Variants in ZNF804B observed in about 807,000 individuals in gnomAD.
ZNF804B encodes zinc finger protein 804B, also known as zinc finger 804B.
In ZNF804B, 80 loss-of-function variants were observed where a neutral mutation model predicts 101.4. The observed-to-expected ratio is 0.79, with a 90% CI of 0.66 to 0.95. ZNF804B has a LOEUF of 0.95. Ranked by LOEUF, ZNF804B falls within the 40% of genes least tolerant of loss-of-function variation. The pLI, the probability that ZNF804B is intolerant of heterozygous loss-of-function variation, is 0.00. For missense variants in ZNF804B, 1,673 were observed against 1,561.9 expected (o/e 1.07, Z -1.20); for synonymous variants, 622 against 558.8 (o/e 1.11, Z -1.59).
intron 1 of ZNF804B, among the ~76,000 whole-genome samples, chr7:89,167,494 G>T (rs900066358): frequency 7.3e-6 from 1 of 136,740 alleles, no homozygotes; most frequent in South Asian, 2.4e-4. Flanking sequence ...GTGAACTCTC[G>T]CAGTTCAAAC....
At chr7:88,863,876 C>T (rs1420020737) in intron 1 of ZNF804B, among the ~76,000 whole-genome samples, 9 of 152,158 alleles carry the variant, frequency 5.9e-5, no homozygotes, top group Admixed American at 2.6e-4. Flanking sequence ...TAAAATTGGC[C>T]GTCACGTGCC....
At chr7:88,993,315 G>A (rs1261177871) in intron 1 of ZNF804B, among the ~76,000 whole-genome samples, 1 of 151,990 alleles carries the variant, frequency 6.6e-6, no homozygotes, top group Non-Finnish European at 1.5e-5. Context: ...GAATGTTGAA[G>A]TCTAGAAAAT....
rs116693149 is a variant in ZNF804B at position 89,024,986 on chromosome 7, T to C, written c.109-193169T>C. The stretch of plus-strand genomic sequence containing the variant: ...TTGAGCGACTAATTACACCCATACC[T>C]ATAGATGCAGCCGTACAACCCACAT... On this transcript the variant is annotated intron_variant, in intron 1 of 3. Transcript: ENST00000333190. 7.8e-3 allele frequency among the ~76,000 whole-genome samples: 1,187 copies of C among 152,152 alleles called. 20 individuals carry two copies. The highest frequency in any genetic ancestry group is 0.027 in the African/African-American group (1,127 of 41,516).
chr7:89,096,468 C>T (rs931661344), intron 1 of ZNF804B, among the ~76,000 whole-genome samples: 2 of 152,088 alleles, frequency 1.3e-5, no homozygotes, highest in African/African-American at 2.4e-5. Flanking sequence ...CTTTGCTGGC[C>T]TTGCTTAGAG....
intron 1 of ZNF804B, among the ~76,000 whole-genome samples, chr7:89,157,578 A>C (rs1437303929): frequency 6.6e-6 from 1 of 152,176 alleles, no homozygotes; most frequent in African/African-American, 2.4e-5. Flanking sequence ...AAAGGGATTC[A>C]TTAAACACAG....
At chr7:89,182,427 A>C (rs1788311578) in intron 1 of ZNF804B, among the ~76,000 whole-genome samples, 1 of 152,182 alleles carries the variant, frequency 6.6e-6, no homozygotes, top group Non-Finnish European at 1.5e-5. Flanking sequence ...AGTTGTAGCT[A>C]CTGTCCTTGA....
At chr7:89,285,210 C>T (rs935701985) in intron 2 of ZNF804B, among the ~76,000 whole-genome samples, 14 of 151,420 alleles carry the variant, frequency 9.2e-5, no homozygotes, top group African/African-American at 3.4e-4. Context: ...CAGAGCAAGA[C>T]CCTGTCACAA....
intron 1 of ZNF804B, among the ~76,000 whole-genome samples, chr7:89,093,019 A>G (rs529026936): frequency 3.3e-5 from 5 of 152,334 alleles, no homozygotes; most frequent in African/African-American, 9.6e-5. Context: ...AAATCTGTAT[A>G]TATGTAACCA....
intron 2 of ZNF804B, among the ~76,000 whole-genome samples, chr7:89,256,728 C>T (rs1327198916): frequency 6.6e-6 from 1 of 152,124 alleles, no homozygotes; most frequent in African/African-American, 2.4e-5. Flanking sequence ...AACAACACAT[C>T]TAGGCTTGCT....
rs56693128 is a variant in ZNF804B at position 89,103,048 on chromosome 7, G to GTTTTTTTTTTTTT, written c.109-115084_109-115072dup. On this transcript the variant is annotated intron_variant, in intron 1 of 3. Transcript: ENST00000333190. Reference sequence around the variant, plus strand: ...TTCTATTCCATTGACCTATGTGTCTGTTTTTTTTTTTTTTTTTTTTTTTTT... The same window carrying GTTTTTTTTTTTTT: ...TTCTATTCCATTGACCTATGTGTCTGTTTTTTTTTTTTTTTTTTTTTTTTTTTTTTTTTTTTTT... Among the ~76,000 whole-genome samples, 11 of 33,750 alleles carry GTTTTTTTTTTTTT rather than the reference G, an allele frequency of 3.3e-4. 4 individuals carry two copies. The highest frequency in any genetic ancestry group is 1.1e-3 in the African/African-American group (10 of 9,376). The allele number at this position is 33,750 out of a possible 152,430, so 22.1% of individuals were successfully genotyped here.
chr7:89,137,660 TAA>T (rs1218010066), intron 1 of ZNF804B, among the ~76,000 whole-genome samples: 1 of 152,094 alleles, frequency 6.6e-6, no homozygotes, highest in Admixed American at 6.6e-5. Context: ...TAACAGAGCA[TAA>T]AAGTTTGGAA....
chr7:89,066,951 G>GTA (rs1035606133), intron 1 of ZNF804B, among the ~76,000 whole-genome samples: 18 of 151,414 alleles, frequency 1.2e-4, no homozygotes, highest in East Asian at 9.7e-4. Context: ...ATATATATAA[G>GTA]TATATATATA....
chr7:89,197,692 T>C (rs1788576508), intron 1 of ZNF804B, among the ~76,000 whole-genome samples: 1 of 151,934 alleles, frequency 6.6e-6, no homozygotes, highest in Admixed American at 6.6e-5. Context: ...TTAGAATTTA[T>C]ATTTTTCTCT....
chr7:88,922,905 T>C (rs1413476795), intron 1 of ZNF804B, among the ~76,000 whole-genome samples: 2 of 152,036 alleles, frequency 1.3e-5, no homozygotes, highest in East Asian at 3.8e-4. Context: ...ATCTCTAAAA[T>C]TGGAAAAATA....
intron 2 of ZNF804B, among the ~76,000 whole-genome samples, chr7:89,314,646 G>T (rs1790693737): frequency 6.6e-6 from 1 of 152,136 alleles, no homozygotes; most frequent in African/African-American, 2.4e-5. Context: ...ATTCCACAAG[G>T]TAGACACTGA....
intron 1 of ZNF804B, among the ~76,000 whole-genome samples, chr7:88,883,209 T>C (rs915543486): frequency 6.6e-6 from 1 of 152,220 alleles, no homozygotes; most frequent in South Asian, 2.1e-4. Flanking sequence ...AAAATGATTA[T>C]TTACAGCCTC....
chr7:89,093,271 T>C (rs1027349613), intron 1 of ZNF804B, among the ~76,000 whole-genome samples: 4 of 152,210 alleles, frequency 2.6e-5, no homozygotes, highest in African/African-American at 7.2e-5. Flanking sequence ...AATTAGAGTA[T>C]AGTGCTGTGT....
chr7:89,286,604 A>G (rs758059851), intron 2 of ZNF804B, among the ~76,000 whole-genome samples: 2 of 152,170 alleles, frequency 1.3e-5, no homozygotes, highest in African/African-American at 2.4e-5. Flanking sequence ...ACAGATACCA[A>G]TGAGAGGAGT....
intron 1 of ZNF804B, among the ~76,000 whole-genome samples, chr7:88,808,475 A>G (rs1376141595): frequency 2.0e-5 from 3 of 151,784 alleles, no homozygotes; most frequent in African/African-American, 7.3e-5. Context: ...GTATTATATT[A>G]TCATCTTGTC....
Sources: allele counts gnomAD v4.1 joint callset (sites outside exome capture counted in the v4.1 genomes callset), GRCh38; gene constraint gnomAD v4.1.1; transcripts MANE v1.5; gene names NCBI Gene and HGNC (gene_info 2026-07-23, HGNC 2026-07-21).